ZNF496: variants seen among roughly 807,000 people sequenced by gnomAD.
ZNF496 encodes the protein zinc finger protein 496.
ZNF496 carries 11 observed loss-of-function variants against 58.9 expected under a neutral mutation model. The ratio of observed to expected loss-of-function variants is 0.19; its 90% CI spans 0.12 to 0.31. ZNF496 has a LOEUF of 0.31. Ranked by LOEUF, ZNF496 falls within the 10% of genes least tolerant of loss-of-function variation. The pLI is 1.00. For synonymous variants in ZNF496, 338 were observed against 318.2 expected (o/e 1.06, Z -0.66); for missense variants, 660 against 783.0 (o/e 0.84, Z 1.88).
chr1:247,300,709 C>T lies in ZNF496; in HGVS notation c.1574G>A (p.Cys525Tyr), dbSNP rs769321808. The change falls in exon 10 of 10, where the codon TGT becomes TAT. Residue 525 changes from cysteine to tyrosine, a missense_variant. Transcript: ENST00000682384. The surrounding 1 kb of genome is among the most constrained non-coding windows in gnomAD (Gnocchi z 5.7). ...NGKAKLSFQC[C>Y]ECGKAFQRHD... ...CCGCTGGAAGGCCTTCCCACACTCA[C>T]AGCACTGGAAGCTCAGTTTGGCCTT... 5 of 1,614,046 alleles carry T rather than the reference C, an allele frequency of 3.1e-6. No homozygotes were observed. The highest frequency in any genetic ancestry group is 1.1e-5 in the South Asian group (1 of 91,084).
At chr1:247,315,295 G>A (rs961580061) in intron 6 of ZNF496, among the ~76,000 whole-genome samples, 3 of 152,100 alleles carry the variant, frequency 2.0e-5, no homozygotes, top group African/African-American at 4.8e-5. Context: ...AGCCCAGTGT[G>A]GTTCTCCTGC....
At chr1:247,301,378 GT>G in intron 9 of ZNF496, 102 bp from the exon 10 acceptor site, 2 of 1,422,954 alleles carry the variant, frequency 1.4e-6, no homozygotes, top group Non-Finnish European at 1.9e-6. Context: ...ACAAACCCGT[GT>G]TTTTACAATG....
rs975451474 is a variant in ZNF496, at chr1:247,301,339, G to A, written c.1007-63C>T. ...AGGCCACATCCCAGCCCCTATGACC[G>A]CGGCGGAGGAACACTCAGCTTGGAG... On this transcript the variant is annotated intron_variant, in intron 9 of 9. Transcript: ENST00000682384. 140 of 1,472,948 alleles carry A rather than the reference G, an allele frequency of 9.5e-5. 1 individual carries two copies. The highest frequency in any genetic ancestry group is 5.5e-4 in the Middle Eastern group (3 of 5,494). 91.2% of individuals were successfully genotyped at this position (1,472,948 alleles called of 1,614,324 possible).
At position 247,308,108 on chromosome 1, in the gene ZNF496, G is replaced by A; in HGVS notation, c.1006+367C>T. The A allele has an allele frequency of 1.3e-6, 1 of 781,824 alleles. No homozygotes were observed. The highest frequency in any genetic ancestry group is 1.6e-6 in the Non-Finnish European group (1 of 644,052). 48.4% of individuals were successfully genotyped at this position (781,824 alleles called of 1,614,324 possible). On this transcript the variant is annotated intron_variant, in intron 9 of 9. Transcript: ENST00000682384. The surrounding 1 kb of genome is among the most constrained non-coding windows in gnomAD (Gnocchi z 4.5). ...TTTGACACACCCTCCCCGGCCCCTG[G>A]GAAAGGCAAGGAGGGTGAGCCTGGG...
chr1:247,313,942 A>G (rs1572081471), intron 6 of ZNF496: 1 of 152,356 alleles, frequency 6.6e-6, no homozygotes, highest in East Asian at 1.9e-4. Context: ...TCCGAAGGTT[A>G]GCTGCTTCTC....
At chr1:247,310,481 G>T in intron 6 of ZNF496, 25 bp from the exon 7 acceptor site, 1 of 1,613,780 alleles carries the variant, frequency 6.2e-7, no homozygotes, top group South Asian at 1.1e-5. Context: ...GAACAGGGAT[G>T]CCTCAGTCCG....
chr1:247,305,103 G>A (rs1659368563), intron 9 of ZNF496, among the ~76,000 whole-genome samples: 1 of 152,148 alleles, frequency 6.6e-6, no homozygotes, highest in Non-Finnish European at 1.5e-5. Flanking sequence ...TTTGAAGATA[G>A]GCTCTTTCAA....
At chr1:247,301,317 C>A in intron 9 of ZNF496, 41 bp from the exon 10 acceptor site, 1 of 1,495,686 alleles carries the variant, frequency 6.7e-7, no homozygotes, top group Non-Finnish European at 8.9e-7. Context: ...GCTGCACAGG[C>A]CACATCCCAG....
chr1:247,329,217 T>A lies in ZNF496; in HGVS notation c.362A>T (p.Glu121Val). 6.2e-7 allele frequency: 1 copy of A among 1,613,436 alleles called. No homozygotes were observed. Among genetic ancestry groups the A allele is most frequent in the Non-Finnish European group, 8.5e-7 (1 of 1,179,992 alleles). The change falls in exon 4 of 10, where the codon GAA (glutamate) becomes GTA (valine). Residue 121 changes from glutamate to valine, a missense_variant. Physicochemically the swap from Glu to Val is moderately radical, Grantham distance 121 (BLOSUM62 -2). Transcript: ENST00000682384. This position sits in a 1 kb window ranked among gnomAD's most constrained non-coding sequence, Gnocchi z 5.5. ...CTGCCAGGGTCTCCCGGGCTCCCGT[T>A]CCAGTGCCTCCACCGCGGCCACAGC... ...EQAVAAVEAL[E>V]REPGRPWQWL...
Position 247,298,884 on chromosome 1 carries a change from G to T in ZNF496, c.*1635C>A, listed in dbSNP as rs997903816. 6.6e-6 allele frequency: 1 copy of T among 152,182 alleles called. No individual in the cohort carries two copies. Among genetic ancestry groups the T allele is most frequent in the African/African-American group, 2.4e-5 (1 of 41,444 alleles). 9.4% of individuals were successfully genotyped at this position (152,182 alleles called of 1,614,324 possible). On this transcript the variant is annotated 3_prime_UTR_variant, in exon 10 of 10. Transcript: ENST00000682384. ...CACTCTCAGTCCGGAATCCCAGCAG[G>T]AGACACAGCTCCAGCTGGCCTGCCC...
At chr1:247,302,190 A>G (rs1449054841) in intron 9 of ZNF496, among the ~76,000 whole-genome samples, 2 of 152,182 alleles carry the variant, frequency 1.3e-5, no homozygotes, top group African/African-American at 2.4e-5. Context: ...CCTCCCAGAT[A>G]AGAGTAGGAA....
Position 247,301,079 on chromosome 1 carries a change from A to T in ZNF496, c.1204T>A (p.Ser402Thr). 6.2e-7 allele frequency: 1 copy of T among 1,613,664 alleles called. No individual in the cohort carries two copies. Among genetic ancestry groups the T allele is most frequent in the Non-Finnish European group, 8.5e-7 (1 of 1,180,020 alleles). Residue 402 changes from serine (S) to threonine (T), a missense_variant, in exon 10 of 10, where the codon TCC (serine) becomes ACC (threonine). By Grantham distance (58) the Ser-to-Thr change is moderately conservative. Transcript: ENST00000682384. ...STEAGGEVQT[S>T]KKSYVCPNCG... ...TTCGGACACACGTAGGACTTCTTGG[A>T]GGTCTGCACCTCGCCTCCGGCCTCG... is the stretch of plus-strand genomic sequence containing the variant.
At chr1:247,315,580 G>A (rs920512528) in intron 6 of ZNF496, among the ~76,000 whole-genome samples, 3 of 152,124 alleles carry the variant, frequency 2.0e-5, no homozygotes, top group Admixed American at 2.0e-4. Context: ...CATGAATAAG[G>A]GGGCACAAAC....
chr1:247,319,616 A>G (rs1471142040), intron 6 of ZNF496, among the ~76,000 whole-genome samples: 2 of 152,204 alleles, frequency 1.3e-5, no homozygotes, highest in African/African-American at 4.8e-5. Context: ...AGATTAGAAA[A>G]CATTATCCAA....
chr1:247,297,427 G>A lies in ZNF496; in HGVS notation c.*3092C>T, dbSNP rs1659120483. The A allele has an allele frequency of 6.6e-6, 1 of 152,162 alleles. No homozygotes were observed. Among genetic ancestry groups the A allele is most frequent in the African/African-American group, 2.4e-5 (1 of 41,426 alleles). The allele number at this position is 152,162 out of a possible 1,614,324, so 9.4% of individuals were successfully genotyped here. A position where few individuals can be genotyped will look rare whatever the true frequency, so the allele number is the denominator to read the frequency against. On this transcript the variant is annotated 3_prime_UTR_variant, in exon 10 of 10. Transcript: ENST00000682384. ...CCTAACAGGAATATTGACTCAGCAA[G>A]TTTTTATTATGCACCTGTGGGTTTG...
intron 9 of ZNF496, chr1:247,304,206 A>G: frequency 3.8e-6 from 1 of 261,556 alleles, no homozygotes; most frequent in Non-Finnish European, 7.8e-6. Flanking sequence ...AGGTTACAGG[A>G]CTGCCACTGT....
In ZNF496 at chr1:247,309,764, T is replaced by C; in HGVS notation, c.827A>G (p.Asn276Ser). The C allele has an allele frequency of 6.2e-7, 1 of 1,614,222 alleles. No homozygotes were observed. The highest frequency in any genetic ancestry group is 8.5e-7 in the Non-Finnish European group (1 of 1,180,048). Residue 276 changes from asparagine (N) to serine (S), a missense_variant, in exon 8 of 10, where the codon AAT becomes AGT. Coordinates refer to ENST00000682384, the MANE Select transcript of ZNF496 (RefSeq NM_032752.3). The surrounding 1 kb of genome is among the most constrained non-coding windows in gnomAD (Gnocchi z 4.3). ...CTGCAACTCTGGAACGCGTGGCTCA[T>C]TCTCCTCTCCCTGGGAGAGATCTGG... ...AQPDLSQGEE[N>S]EPRVPELQDL...
In ZNF496 at chr1:247,300,504, C is replaced by T; in HGVS notation, c.*15G>A. ...GCAGCACCAGCCAGGGTGAGGCCGC[C>T]CCAGGCGGAGAGGCTCAGTAGGAGT... On this transcript the variant is annotated 3_prime_UTR_variant, in exon 10 of 10. Coordinates refer to ENST00000682384, the MANE Select transcript of ZNF496 (RefSeq NM_032752.3). The surrounding 1 kb of genome is among the most constrained non-coding windows in gnomAD (Gnocchi z 5.7). The T allele has an allele frequency of 6.3e-7, 1 of 1,589,552 alleles. No individual in the cohort carries two copies. Among genetic ancestry groups the T allele is most frequent in the Non-Finnish European group, 8.6e-7 (1 of 1,165,028 alleles).
chr1:247,301,275 A>G lies in ZNF496; in HGVS notation c.1008T>C (p.Ala336=). Residue 336 remains alanine, a splice_region_variant and synonymous_variant, in exon 10 of 10, where the codon GCT becomes GCC. Coordinates refer to ENST00000682384, the MANE Select transcript of ZNF496 (RefSeq NM_032752.3). ...TCTCTAGAGATCGCGGGTTGCCGCC[A>G]GCTACAGGAAGGCAACATGCAGGTC... The part of the protein sequence containing the change: ...QTVVPQNTYP[A]GGNPRSLENS... The G allele has an allele frequency of 2.0e-6, 3 of 1,509,028 alleles. No individual in the cohort carries two copies. Among genetic ancestry groups the G allele is most frequent in the Non-Finnish European group, 2.6e-6 (3 of 1,132,736 alleles). 93.5% of individuals were successfully genotyped at this position (1,509,028 alleles called of 1,614,324 possible). A position where few individuals can be genotyped will look rare whatever the true frequency, so the allele number is the denominator to read the frequency against.
Sources: allele counts gnomAD v4.1 joint callset (sites outside exome capture counted in the v4.1 genomes callset), GRCh38; gene constraint gnomAD v4.1.1; non-coding constraint Gnocchi (gnomAD v3.1); transcripts MANE v1.5; gene names NCBI Gene and HGNC (gene_info 2026-07-23, HGNC 2026-07-21).